HNRNPC: variants seen among roughly 807,000 people sequenced by gnomAD.
HNRNPC encodes the protein heterogeneous nuclear ribonucleoprotein C.
In HNRNPC, 3 loss-of-function variants were observed where a neutral mutation model predicts 33.2. That is an observed-to-expected ratio of 0.09 (90% CI 0.04 to 0.23). The LOEUF is 0.23. HNRNPC is among the 10% of genes least tolerant of loss of function. HNRNPC has a pLI of 1.00. For synonymous variants in HNRNPC, 121 were observed against 126.7 expected (o/e 0.96, Z 0.30); for missense variants, 143 against 366.7 (o/e 0.39, Z 4.98).
chr14:21,225,718 G>A (rs1893345731), intron 5 of HNRNPC, among the ~76,000 whole-genome samples: 1 of 151,948 alleles, frequency 6.6e-6, no homozygotes. Context: ...TTTTTCAATT[G>A]TAATGTCGCA....
chr14:21,215,131 C>A (rs1892020840), intron 5 of HNRNPC, among the ~76,000 whole-genome samples: 1 of 152,168 alleles, frequency 6.6e-6, no homozygotes, highest in Admixed American at 6.5e-5. Flanking sequence ...GAGTCAAATT[C>A]TCTACTTTTC....
intron 2 of HNRNPC, among the ~76,000 whole-genome samples, chr14:21,260,918 GCACC>G (rs988422056): frequency 1.4e-4 from 21 of 145,738 alleles, no homozygotes; most frequent in Non-Finnish European, 3.1e-4. Flanking sequence ...ACCCAAGATG[GCACC>G]ACTGCACTCC....
intron 2 of HNRNPC, among the ~76,000 whole-genome samples, chr14:21,259,873 T>C (rs1342621942): frequency 8.4e-6 from 1 of 119,006 alleles, no homozygotes; most frequent in Non-Finnish European, 1.7e-5. Flanking sequence ...AAATGAGACC[T>C]GTCTCCACCA....
chr14:21,265,912 A>T (rs944623510), intron 1 of HNRNPC, among the ~76,000 whole-genome samples: 1 of 152,218 alleles, frequency 6.6e-6, no homozygotes, highest in Non-Finnish European at 1.5e-5. Flanking sequence ...GTGATGCATG[A>T]GCATCATCAC....
chr14:21,237,171 C>T (rs902780500), intron 2 of HNRNPC, among the ~76,000 whole-genome samples: 1 of 152,152 alleles, frequency 6.6e-6, no homozygotes, highest in African/African-American at 2.4e-5. Context: ...AGTAAACAAA[C>T]CCTATGTGGT....
chr14:21,260,116 C>A (rs1399912486), intron 2 of HNRNPC, among the ~76,000 whole-genome samples: 1 of 143,854 alleles, frequency 7.0e-6, no homozygotes, highest in Non-Finnish European at 1.5e-5. Flanking sequence ...AGGAGAATGG[C>A]GTGAACCTGG....
At chr14:21,242,394 G>GA (rs1174864979) in intron 2 of HNRNPC, among the ~76,000 whole-genome samples, 1 of 152,186 alleles carries the variant, frequency 6.6e-6, no homozygotes, top group East Asian at 1.9e-4. Context: ...TGAGCTAGAA[G>GA]AATCGCTTGA....
chr14:21,266,586 A>T (rs1879019907), intron 1 of HNRNPC, among the ~76,000 whole-genome samples: 1 of 150,954 alleles, frequency 6.6e-6, no homozygotes, highest in Non-Finnish European at 1.5e-5. Flanking sequence ...TCCAATATCG[A>T]GAATACCTGT....
At chr14:21,222,872 C>T (rs562004718) in intron 5 of HNRNPC, among the ~76,000 whole-genome samples, 5 of 150,558 alleles carry the variant, frequency 3.3e-5, no homozygotes, top group African/African-American at 9.8e-5. Flanking sequence ...CCAGCCTGGG[C>T]GACAGAGGGA....
chr14:21,231,749 ACTT>A (rs1334518385), intron 3 of HNRNPC, among the ~76,000 whole-genome samples: 1 of 152,184 alleles, frequency 6.6e-6, no homozygotes, highest in Admixed American at 6.5e-5. Context: ...CTCAGATACC[ACTT>A]CAACTCAACT....
At chr14:21,231,517 T>C (rs1358543511) in intron 3 of HNRNPC, 1 of 406,118 alleles carries the variant, frequency 2.5e-6, no homozygotes. Flanking sequence ...CTATTTTTCG[T>C]AGGGACGAAC....
chr14:21,258,385 G>A (rs1877590163), intron 2 of HNRNPC, among the ~76,000 whole-genome samples: 1 of 144,140 alleles, frequency 6.9e-6, no homozygotes, highest in South Asian at 2.3e-4. Flanking sequence ...GCGAGACTAT[G>A]TCTCAAAAAA....
intron 2 of HNRNPC, 32 bp from the exon 3 acceptor site, chr14:21,234,261 A>T: frequency 6.4e-7 from 1 of 1,555,270 alleles, no homozygotes; most frequent in South Asian, 1.2e-5. Flanking sequence ...ACAGGTGAAC[A>T]GATGCTAAAA....
At chr14:21,227,851 G>GTTTTT (rs1893654294) in intron 5 of HNRNPC, among the ~76,000 whole-genome samples, 1 of 152,160 alleles carries the variant, frequency 6.6e-6, no homozygotes, top group Non-Finnish European at 1.5e-5. Context: ...AAGAGTCCAT[G>GTTTTT]ACATCCCTGA....
intron 2 of HNRNPC, among the ~76,000 whole-genome samples, chr14:21,256,575 G>A (rs553885500): frequency 1.5e-3 from 229 of 152,296 alleles, no homozygotes; most frequent in African/African-American, 5.1e-3. Flanking sequence ...ATGCACAGGA[G>A]ACAAGGGTGG....
chr14:21,258,258 T>C (rs974528601), intron 2 of HNRNPC, among the ~76,000 whole-genome samples: 2 of 151,982 alleles, frequency 1.3e-5, no homozygotes, highest in Non-Finnish European at 2.9e-5. Context: ...GGTGTGGTGG[T>C]GCATGCCTGC....
intron 2 of HNRNPC, 65 bp downstream of exon 2, chr14:21,263,243 TAAC>T (rs1427785688): frequency 2.0e-5 from 3 of 151,928 alleles, no homozygotes; most frequent in Non-Finnish European, 2.9e-5. Flanking sequence ...TAGTAACTAG[TAAC>T]AACAATAAAA....
At chr14:21,223,431 A>G (rs1383655994) in intron 5 of HNRNPC, among the ~76,000 whole-genome samples, 1 of 152,110 alleles carries the variant, frequency 6.6e-6, no homozygotes. Context: ...TCTAAAAGGA[A>G]TACTAAGAAA....
intron 5 of HNRNPC, among the ~76,000 whole-genome samples, chr14:21,222,938 C>A (rs1226522813): frequency 6.6e-6 from 1 of 151,862 alleles, no homozygotes; most frequent in African/African-American, 2.4e-5. Context: ...TGATGGCTCA[C>A]GCCTGTAATC....
Sources: allele counts gnomAD v4.1 joint callset (sites outside exome capture counted in the v4.1 genomes callset), GRCh38; gene constraint gnomAD v4.1.1; transcripts MANE v1.5; gene names NCBI Gene and HGNC (gene_info 2026-07-23, HGNC 2026-07-21).